STYX: variants seen among roughly 807,000 people sequenced by gnomAD.
STYX encodes the protein serine/threonine/tyrosine interacting protein, also known as serine/threonine/tyrosine-interacting protein.
In STYX, 20 loss-of-function variants were observed where a neutral mutation model predicts 42.7. The ratio of observed to expected loss-of-function variants is 0.47; its 90% confidence interval spans 0.33 to 0.68. The LOEUF is 0.68. Ranked by LOEUF, STYX falls within the 30% of genes least tolerant of loss-of-function variation. The pLI, the probability that STYX is intolerant of heterozygous loss-of-function variation, is 0.02. For synonymous variants in STYX, 78 were observed against 81.9 expected, an observed-to-expected ratio of 0.95 and a Z score of 0.26; for missense variants, 226 against 268.5, an observed-to-expected ratio of 0.84 and a Z score of 1.11.
At chr14:52,763,693 T>C (rs1174714493) in intron 9 of STYX, among the ~76,000 whole-genome samples, 2 of 152,160 alleles carry the variant, frequency 1.3e-5, no homozygotes, top group Non-Finnish European at 2.9e-5. Flanking sequence ...CAGAATGTTT[T>C]GTAGTACTTG....
At chr14:52,740,501 C>A (rs7148178) in intron 1 of STYX, among the ~76,000 whole-genome samples, 99,807 of 152,150 alleles carry the variant, frequency 0.66, 33,431 homozygotes, top group African/African-American at 0.8. Context: ...GGTTCAGACT[C>A]TCTGGATCCA....
At chr14:52,732,744 C>T (rs996464299) in intron 1 of STYX, among the ~76,000 whole-genome samples, 5 of 152,142 alleles carry the variant, frequency 3.3e-5, no homozygotes, top group Non-Finnish European at 7.3e-5. Flanking sequence ...GATCTCCGCT[C>T]ACTGCAACCT....
intron 9 of STYX, 74 bp from the exon 10 acceptor site, chr14:52,768,766 A>G (rs1343334242): frequency 9.9e-7 from 1 of 1,012,128 alleles, no homozygotes; most frequent in African/African-American, 1.7e-5. Flanking sequence ...CCAACAGTGT[A>G]TACATTAATC....
Position 52,757,766 on chromosome 14 carries a change from G to T in STYX, c.364G>T (p.Ala122Ser). 1.2e-6 allele frequency: 2 copies of T among 1,613,486 alleles called. No homozygotes were observed. The highest frequency in any genetic ancestry group is 1.7e-6 in the Non-Finnish European group (2 of 1,179,724). The change falls in exon 7 of 11, where the codon GCA becomes TCA. Residue 122 changes from alanine (A) to serine (S), a missense_variant. Ala to Ser is a moderately conservative substitution (Grantham distance 99). Coordinates refer to ENST00000354586, the MANE Select transcript of STYX (RefSeq NM_145251.4). ...AGGAAAAGTTCTTGTGCATGGAAAT[G>T]CAGGGATCTCCAGAAGGTATGAAGT... ...MGGKVLVHGN[A>S]GISRSAAFVI...
At position 52,730,393 on chromosome 14, in the gene STYX, C is replaced by G; in HGVS notation, c.-82C>G. The G allele has an allele frequency of 6.7e-7, 1 of 1,500,918 alleles. No homozygotes were observed. 93.0% of individuals were successfully genotyped at this position (1,500,918 alleles called of 1,614,324 possible). ...CCCTCCGCTCCGCCGGCCCTCCTTCCTTCCGCCGCCGCAGCCAGCCCGAGG... is the reference window on the plus strand; with the variant it reads ...CCCTCCGCTCCGCCGGCCCTCCTTCGTTCCGCCGCCGCAGCCAGCCCGAGG... On this transcript the variant is annotated 5_prime_UTR_variant, in exon 1 of 11. Transcript: ENST00000354586.
intron 3 of STYX, among the ~76,000 whole-genome samples, chr14:52,749,840 G>A (rs1881541536): frequency 6.6e-6 from 1 of 152,176 alleles, no homozygotes; most frequent in South Asian, 2.1e-4. Context: ...GTGTCAGCAT[G>A]ACAGCACAAG....
At chr14:52,756,749 G>C (rs137927855) in intron 5 of STYX, 138 bp downstream of exon 5, 75 of 425,114 alleles carry the variant, frequency 1.8e-4, no homozygotes, top group Middle Eastern at 1.3e-3. Flanking sequence ...GTGCAATGGC[G>C]CAATCTTGGC....
intron 1 of STYX, among the ~76,000 whole-genome samples, chr14:52,732,882 G>T (rs558998789): frequency 2.6e-4 from 40 of 151,594 alleles, no homozygotes; most frequent in Middle Eastern, 3.5e-3. Flanking sequence ...TGTTGGCCCT[G>T]CTGGTCTGGA....
chr14:52,759,122 A>G (rs976406313), intron 8 of STYX, among the ~76,000 whole-genome samples: 1 of 152,048 alleles, frequency 6.6e-6, no homozygotes, highest in Non-Finnish European at 1.5e-5. Context: ...AAATGCTTAC[A>G]TTTTATATAT....
At chr14:52,744,757 T>A in intron 1 of STYX, 95 bp from the exon 2 acceptor site, 1 of 1,185,540 alleles carries the variant, frequency 8.4e-7, no homozygotes. Flanking sequence ...AATGTAACTT[T>A]AAAAAATCTA....
chr14:52,746,404 C>T (rs890565603), intron 2 of STYX, 22 bp from the exon 3 acceptor site: 27 of 1,540,370 alleles, frequency 1.8e-5, no homozygotes, highest in Non-Finnish European at 2.3e-5. Context: ...ATGGTAAATA[C>T]CTCAAATTTT....
intron 9 of STYX, among the ~76,000 whole-genome samples, chr14:52,764,061 C>T (rs995424520): frequency 2.0e-5 from 3 of 151,998 alleles, no homozygotes; most frequent in East Asian, 1.9e-4. Context: ...GGTGCGATCT[C>T]GGCTCACTGC....
At chr14:52,744,421 A>ATAT (rs1467768959) in intron 1 of STYX, among the ~76,000 whole-genome samples, 3 of 152,196 alleles carry the variant, frequency 2.0e-5, no homozygotes, top group Non-Finnish European at 4.4e-5. Context: ...TCCATTTCAG[A>ATAT]TATTATTTGT....
intron 9 of STYX, among the ~76,000 whole-genome samples, chr14:52,765,806 T>A (rs1022244849): frequency 3.9e-5 from 6 of 152,222 alleles, no homozygotes; most frequent in African/African-American, 1.4e-4. Context: ...TGCGCTCCTG[T>A]GAGACTCTAA....
chr14:52,730,992 T>G (rs1010461265), intron 1 of STYX, among the ~76,000 whole-genome samples: 3 of 152,236 alleles, frequency 2.0e-5, no homozygotes, highest in Non-Finnish European at 4.4e-5. Flanking sequence ...TGTTTGTTTT[T>G]AGACAAAGCT....
At chr14:52,762,043 C>T (rs1365321815) in intron 9 of STYX, among the ~76,000 whole-genome samples, 1 of 150,308 alleles carries the variant, frequency 6.7e-6, no homozygotes, top group Non-Finnish European at 1.5e-5. Context: ...AAGACTTCGT[C>T]ACAAAAGAAA....
intron 2 of STYX, among the ~76,000 whole-genome samples, chr14:52,745,862 G>C (rs952754183): frequency 1.3e-5 from 2 of 152,156 alleles, no homozygotes; most frequent in Admixed American, 6.5e-5. Context: ...GGAATGCAAA[G>C]ATGACTAAAT....
At chr14:52,745,673 GTTCA>G (rs1881368497) in intron 2 of STYX, among the ~76,000 whole-genome samples, 1 of 152,184 alleles carries the variant, frequency 6.6e-6, no homozygotes, top group African/African-American at 2.4e-5. Flanking sequence ...CCTCATAGCA[GTTCA>G]TTTTCTTTTG....
intron 4 of STYX, among the ~76,000 whole-genome samples, chr14:52,753,892 ATTTTTTTTTTTTTTT>A (rs56734068): frequency 9.1e-5 from 7 of 77,234 alleles, no homozygotes; most frequent in Admixed American, 8.2e-4. Context: ...CAAAACACTG[ATTTTTTTTTTTTTTT>A]TTTTTTTTTT....
Sources: gnomAD v4.1 joint callset for allele counts (sites outside exome capture counted in the v4.1 genomes callset) on GRCh38, gnomAD v4.1.1 for gene constraint, MANE v1.5 for transcripts, NCBI Gene and HGNC (gene_info 2026-07-23, HGNC 2026-07-21) for gene names.